The following MARF1 variants were observed in gnomAD, a reference collection of about 807,000 sequenced individuals.
MARF1 encodes limkain-b1.
In MARF1, 24 loss-of-function variants were observed where a neutral mutation model predicts 168.2. That is an observed-to-expected ratio of 0.14 (90% CI 0.10 to 0.20). The LOEUF (loss-of-function observed/expected upper bound fraction) is 0.20. Among genes scored for constraint, MARF1 ranks in the 10% least tolerant of loss-of-function variants. MARF1 has a pLI of 1.00. For synonymous variants in MARF1, 868 were observed against 822.4 expected (o/e 1.06, Z -0.95); for missense variants, 1,744 against 2,143.6 (o/e 0.81, Z 3.68).
At chr16:15,622,889 C>CTGA in intron 11 of MARF1, 45 bp downstream of exon 11, 2 of 1,485,632 alleles carry the variant, frequency 1.3e-6, no homozygotes, top group Non-Finnish European at 1.8e-6. Context: ...ACTAGAGACT[C>CTGA]CATCAGAGAG....
chr16:15,602,021 G>A lies in MARF1; in HGVS notation c.4596C>T (p.Ser1532=), dbSNP rs201146498. The A allele has an allele frequency of 5.1e-5, 82 of 1,614,050 alleles. No homozygotes were observed. The highest frequency in any genetic ancestry group is 1.7e-4 in the Middle Eastern group (1 of 6,060). Reference sequence around the variant, plus strand: ...GAATTGCTCCCAAGAGCTCCTCCACGCTGCTGTGGCCGTAGGTCTTGGGCT... The same window carrying A: ...GAATTGCTCCCAAGAGCTCCTCCACACTGCTGTGGCCGTAGGTCTTGGGCT... ...TLQPKTYGHS[S]VEELLGAIPQ... The change falls in exon 23 of 27, where the codon AGC becomes AGT. Residue 1532 remains serine, a synonymous_variant. Transcript: ENST00000396368.
At chr16:15,605,139 G>A (rs1227047857) in intron 21 of MARF1, among the ~76,000 whole-genome samples, 1 of 152,224 alleles carries the variant, frequency 6.6e-6, no homozygotes, top group Non-Finnish European at 1.5e-5. Flanking sequence ...GCGAGGGTGA[G>A]GCTGTGGCGT....
Position 15,636,174 on chromosome 16 carries a change from A to G in MARF1, c.313T>C (p.Cys105Arg). 1 of 1,614,232 alleles carries G rather than the reference A, an allele frequency of 6.2e-7. No individual in the cohort carries two copies. Among genetic ancestry groups the G allele is most frequent in the Non-Finnish European group, 8.5e-7 (1 of 1,180,046 alleles). The change falls in exon 3 of 27, where the codon TGC becomes CGC. Residue 105 changes from cysteine to arginine, a missense_variant. Transcript: ENST00000396368. ...SVPKVSCCAH[C>R]PNEPSTSPMR... ...GGCGAAGTGGAGGGTTCATTAGGGC[A>G]ATGAGCACAGCAGCTTACTTTGGGG...
rs764234355 is a variant in MARF1 at position 15,631,365 on chromosome 16, A to G, written c.1351+16T>C. The G allele has an allele frequency of 2.6e-6, 4 of 1,532,174 alleles. No individual in the cohort carries two copies. In the South Asian group the frequency reaches 4.5e-5, roughly 17 times the overall value. 94.9% of individuals were successfully genotyped at this position (1,532,174 alleles called of 1,614,324 possible). A position where few individuals can be genotyped will look rare whatever the true frequency, so the allele number is the denominator to read the frequency against. ...CAGTGAGTTTAGCTGAAATTAGCAG[A>G]TGTTTCTGTACTTACTTGACACAAG... On this transcript the variant is annotated intron_variant, in intron 6 of 26. Coordinates refer to ENST00000396368, the MANE Select transcript of MARF1 (RefSeq NM_014647.4).
intron 13 of MARF1, among the ~76,000 whole-genome samples, chr16:15,620,198 AAAAC>A (rs1037645102): frequency 2.0e-5 from 3 of 152,130 alleles, no homozygotes; most frequent in African/African-American, 4.8e-5. Context: ...ACAAACAAAA[AAAAC>A]AAACTAAAGC....
In MARF1 at chr16:15,636,090, C is replaced by G; in HGVS notation, c.397G>C (p.Gly133Arg). ...SGGTSSLIHP[G>R]ALLDSQSTRT... ...GTGCTTTGCGAGTCTAACAGTGCGC[C>G]CGGGTGAATCAAGCTACTGGTACCT... Residue 133 changes from glycine (G) to arginine (R), a missense_variant, in exon 3 of 27, where the codon GGC becomes CGC. Around this residue, in one of 7 missense-constraint regions of MARF1, gnomAD observed 318 missense variants for 336.6 expected, o/e 0.94. Coordinates refer to ENST00000396368, the MANE Select transcript of MARF1 (RefSeq NM_014647.4). 1 of 1,614,190 alleles carries G rather than the reference C, an allele frequency of 6.2e-7. No homozygotes were observed. The highest frequency in any genetic ancestry group is 1.3e-5 in the African/African-American group (1 of 75,052).
intron 23 of MARF1, 32 bp from the exon 24 acceptor site, chr16:15,600,733 C>T (rs201613299): frequency 6.2e-6 from 10 of 1,610,576 alleles, no homozygotes; most frequent in East Asian, 4.5e-5. Context: ...GGTTAAGCAG[C>T]GGAAAAGGAG....
At position 15,595,749 on chromosome 16, in the gene MARF1, G is replaced by C. The variant is rs1190244235; in HGVS notation, c.*944C>G. 6.6e-6 allele frequency: 1 copy of C among 152,138 alleles called. No homozygotes were observed. The highest frequency in any genetic ancestry group is 1.5e-5 in the Non-Finnish European group (1 of 68,044). 9.4% of individuals were successfully genotyped at this position (152,138 alleles called of 1,614,324 possible). A position where few individuals can be genotyped will look rare whatever the true frequency, so the allele number is the denominator to read the frequency against. On this transcript the variant is annotated 3_prime_UTR_variant, in exon 27 of 27. Transcript: ENST00000396368. ...CTTCCTATGTGTAGGTAGAATTCCTGTCTCTTCCCAGTGGAAATCGTATTG... is the reference window on the plus strand; with the variant it reads ...CTTCCTATGTGTAGGTAGAATTCCTCTCTCTTCCCAGTGGAAATCGTATTG...
At chr16:15,635,520 A>T in intron 3 of MARF1, 136 bp downstream of exon 3, 1 of 755,270 alleles carries the variant, frequency 1.3e-6, no homozygotes, top group Non-Finnish European at 2.1e-6. Flanking sequence ...AGCAAAAATT[A>T]TGCTGATGGG....
intron 1 of MARF1, among the ~76,000 whole-genome samples, chr16:15,640,622 C>T (rs915790274): frequency 2.6e-5 from 4 of 152,156 alleles, no homozygotes; most frequent in Admixed American, 6.5e-5. Flanking sequence ...CCTAAGACTG[C>T]GTAGTCAAGG....
chr16:15,612,205 T>C (rs2033629515), intron 17 of MARF1, among the ~76,000 whole-genome samples: 1 of 152,198 alleles, frequency 6.6e-6, no homozygotes, highest in African/African-American at 2.4e-5. Context: ...GGTTAAGCCC[T>C]TGACTCTCAC....
chr16:15,625,816 G>C lies in MARF1; in HGVS notation c.1525-16C>G, dbSNP rs368289608. 39 of 1,598,332 alleles carry C rather than the reference G, an allele frequency of 2.4e-5. No homozygotes were observed. The highest frequency in any genetic ancestry group is 3.2e-5 in the Non-Finnish European group (37 of 1,169,210). ...TGTGGCACTGCTAATACAGAGGAAAGAAGTGTTACGTCAGGTTAATTCAAG... is the reference window on the plus strand; with the variant it reads ...TGTGGCACTGCTAATACAGAGGAAACAAGTGTTACGTCAGGTTAATTCAAG... On this transcript the variant is annotated splice_polypyrimidine_tract_variant and intron_variant, in intron 7 of 26. Coordinates refer to ENST00000396368, the MANE Select transcript of MARF1 (RefSeq NM_014647.4).
chr16:15,598,476 G>A (rs947175960), intron 26 of MARF1, among the ~76,000 whole-genome samples: 2 of 152,090 alleles, frequency 1.3e-5, no homozygotes, highest in African/African-American at 4.8e-5. Context: ...AAGCCCTTGG[G>A]CCCTCTGGAC....
At chr16:15,630,251 G>A in intron 7 of MARF1, 81 bp downstream of exon 7, 1 of 1,343,552 alleles carries the variant, frequency 7.4e-7, no homozygotes, top group Non-Finnish European at 1.0e-6. Context: ...TCTGGGCCTG[G>A]CAACCCCCTT....
intron 12 of MARF1, among the ~76,000 whole-genome samples, chr16:15,621,156 G>C (rs1159814880): frequency 6.6e-6 from 1 of 151,736 alleles, no homozygotes; most frequent in Non-Finnish European, 1.5e-5. Flanking sequence ...GTACAAGTTA[G>C]AAAAAAGATC....
chr16:15,616,792 G>C (rs2034085100), intron 15 of MARF1: 1 of 431,196 alleles, frequency 2.3e-6, no homozygotes, highest in Middle Eastern at 6.2e-4. Context: ...ATAACACAAT[G>C]GTATTTGTGT....
chr16:15,613,617 G>A (rs972004300), intron 16 of MARF1, among the ~76,000 whole-genome samples: 1 of 151,012 alleles, frequency 6.6e-6, no homozygotes, highest in Non-Finnish European at 1.5e-5. Context: ...AGCCTAGATT[G>A]CACCACTGCA....
chr16:15,597,057 A>C, intron 26 of MARF1, 120 bp from the exon 27 acceptor site: 1 of 1,129,362 alleles, frequency 8.9e-7, no homozygotes, highest in Non-Finnish European at 1.2e-6. Context: ...TCTAAATGCT[A>C]CATCTATGCC....
At chr16:15,604,770 C>A (rs72770191) in intron 21 of MARF1, among the ~76,000 whole-genome samples, 1 of 151,876 alleles carries the variant, frequency 6.6e-6, no homozygotes, top group Non-Finnish European at 1.5e-5. Flanking sequence ...TTGCTGTGCT[C>A]GAAGGGGGGT....
Sources: allele counts gnomAD v4.1 joint callset (sites outside exome capture counted in the v4.1 genomes callset), GRCh38; gene constraint gnomAD v4.1.1; regional missense constraint gnomAD v4.1.1; transcripts MANE v1.5; gene names NCBI Gene and HGNC (gene_info 2026-07-23, HGNC 2026-07-21).